PARD3B: variants seen among roughly 807,000 people sequenced by gnomAD.
PARD3B encodes partitioning defective 3 homolog B.
A neutral mutation model predicts 130.2 loss-of-function variants in PARD3B; 103 were observed. The observed-to-expected ratio is 0.79, with a 90% CI of 0.67 to 0.93. The LOEUF is 0.93. Ranked by LOEUF, PARD3B falls within the 40% of genes least tolerant of loss-of-function variation. PARD3B has a pLI of 0.00. For missense variants in PARD3B, 1,609 were observed against 1,499.2 expected, an observed-to-expected ratio of 1.07 and a Z score of -1.21; for synonymous variants, 583 against 553.2, an observed-to-expected ratio of 1.05 and a Z score of -0.76.
Position 205,268,559 on chromosome 2 carries a change from T to A in PARD3B, c.2185+22737T>A, listed in dbSNP as rs2040601839. On this transcript the variant is annotated intron_variant, in intron 16 of 22. Coordinates refer to ENST00000406610, the MANE Select transcript of PARD3B (RefSeq NM_001302769.2). This position sits in a 1 kb window ranked among gnomAD's most constrained non-coding sequence, Gnocchi z 4.1. ...TTTCAAGGACGTAGAAAAATCTGATTTGAAATCAGGTGGAAAGTGCTCTAA... is the reference window on the plus strand; with the variant it reads ...TTTCAAGGACGTAGAAAAATCTGATATGAAATCAGGTGGAAAGTGCTCTAA... Among the ~76,000 whole-genome samples the A allele has an allele frequency of 6.6e-6, 1 of 152,076 alleles. No individual in the cohort carries two copies.
intron 2 of PARD3B, among the ~76,000 whole-genome samples, chr2:204,891,208 T>C (rs2046433631): frequency 6.6e-6 from 1 of 151,512 alleles, no homozygotes; most frequent in South Asian, 2.1e-4. Context: ...TTTTTAACCT[T>C]GTGCTATTAA....
intron 18 of PARD3B, among the ~76,000 whole-genome samples, chr2:205,313,245 C>T (rs2042452035): frequency 1.3e-5 from 2 of 152,196 alleles, no homozygotes; most frequent in African/African-American, 2.4e-5. Flanking sequence ...ATGGGCTACT[C>T]ATCTGATGGG....
intron 3 of PARD3B, among the ~76,000 whole-genome samples, chr2:204,999,894 A>G (rs928644916): frequency 2.6e-5 from 4 of 152,350 alleles, no homozygotes; most frequent in South Asian, 2.1e-4. Context: ...GGTTTATCTC[A>G]GCAAAATAGT....
At chr2:204,883,396 A>G (rs1485237396) in intron 2 of PARD3B, among the ~76,000 whole-genome samples, 3 of 137,240 alleles carry the variant, frequency 2.2e-5, no homozygotes, top group African/African-American at 5.5e-5. Context: ...ATGTGTATGT[A>G]TATATATATT....
chr2:205,203,130 A>C (rs1559538408), intron 15 of PARD3B, among the ~76,000 whole-genome samples: 1 of 152,180 alleles, frequency 6.6e-6, no homozygotes, highest in African/African-American at 2.4e-5. Flanking sequence ...ATACAAAAAA[A>C]CTATAAAGTT....
chr2:204,867,875 A>G (rs1198123485), intron 2 of PARD3B, among the ~76,000 whole-genome samples: 1 of 152,200 alleles, frequency 6.6e-6, no homozygotes, highest in African/African-American at 2.4e-5. Context: ...TATGAGCCAA[A>G]TGGGAAGTGT....
At chr2:205,087,477 A>G (rs1393394082) in intron 4 of PARD3B, among the ~76,000 whole-genome samples, 3 of 152,108 alleles carry the variant, frequency 2.0e-5, no homozygotes, top group Admixed American at 1.3e-4. Flanking sequence ...CAAGCATGCC[A>G]TTTGATCTGT....
At position 204,583,560 on chromosome 2, in the gene PARD3B, G is replaced by T. The variant is rs1445468582; in HGVS notation, c.120+37441G>T. Among the ~76,000 whole-genome samples the T allele has an allele frequency of 5.5e-5, 7 of 127,014 alleles. 1 individual carries two copies. Among genetic ancestry groups the T allele is most frequent in the East Asian group, 4.7e-4 (2 of 4,236 alleles). The allele number at this position is 127,014 out of a possible 152,430, so 83.3% of individuals were successfully genotyped here. On this transcript the variant is annotated intron_variant, in intron 1 of 22. Coordinates refer to ENST00000406610, the MANE Select transcript of PARD3B (RefSeq NM_001302769.2). The stretch of plus-strand genomic sequence containing the variant: ...TTAGTGGGTGCAGCGCACCAGCATG[G>T]CACATGTATACATATGTAACTAACC...
chr2:204,898,793 T>G (rs1177358719), intron 2 of PARD3B, among the ~76,000 whole-genome samples: 1 of 152,196 alleles, frequency 6.6e-6, no homozygotes, highest in African/African-American at 2.4e-5. Flanking sequence ...TTTATATTTC[T>G]GGGTGCTTTG....
chr2:204,654,089 A>G (rs2035569854), intron 1 of PARD3B, among the ~76,000 whole-genome samples: 1 of 151,184 alleles, frequency 6.6e-6, no homozygotes, highest in African/African-American at 2.5e-5. Flanking sequence ...GGTCCTCTTT[A>G]TCTGTGTCTC....
chr2:204,803,703 A>G (rs1324140033), intron 2 of PARD3B, among the ~76,000 whole-genome samples: 2 of 152,140 alleles, frequency 1.3e-5, no homozygotes, highest in Non-Finnish European at 2.9e-5. Context: ...CAAAAAACCT[A>G]CAACAGATAC....
chr2:205,192,042 C>T (rs17195762), intron 14 of PARD3B, among the ~76,000 whole-genome samples: 2,887 of 152,192 alleles, frequency 0.019, 63 homozygotes, highest in African/African-American at 0.051. Context: ...CTTAATTTAC[C>T]CACGGCATTA....
At chr2:205,005,034 C>A (rs575495245) in intron 3 of PARD3B, among the ~76,000 whole-genome samples, 6 of 152,178 alleles carry the variant, frequency 3.9e-5, no homozygotes, top group African/African-American at 1.2e-4. Context: ...AAATTCTGTT[C>A]TTTTAAATCA....
chr2:204,904,372 C>G (rs569501431), intron 2 of PARD3B, among the ~76,000 whole-genome samples: 2 of 152,222 alleles, frequency 1.3e-5, no homozygotes, highest in East Asian at 1.9e-4. Context: ...TTTAAAAAAC[C>G]TAACCTGTTA....
intron 21 of PARD3B, among the ~76,000 whole-genome samples, chr2:205,533,949 T>G (rs948615859): frequency 6.6e-6 from 1 of 151,584 alleles, no homozygotes; most frequent in Non-Finnish European, 1.5e-5. Flanking sequence ...CCACCTCTAA[T>G]AGAGTCTAGT....
At chr2:205,077,549 T>A (rs1229461077) in intron 4 of PARD3B, among the ~76,000 whole-genome samples, 1 of 152,190 alleles carries the variant, frequency 6.6e-6, no homozygotes, top group Non-Finnish European at 1.5e-5. Context: ...ATTCTGTAGT[T>A]CTGAGAGTGA....
chr2:204,926,311 G>A lies in PARD3B; in HGVS notation c.223-38841G>A, dbSNP rs182608113. Among the ~76,000 whole-genome samples, 268 of 152,172 alleles carry A rather than the reference G, an allele frequency of 1.8e-3. 3 individuals carry two copies. Among genetic ancestry groups the A allele is most frequent in the Middle Eastern group, 0.017 (5 of 294 alleles). On this transcript the variant is annotated intron_variant, in intron 2 of 22. Transcript: ENST00000406610. ...ATCTCTTGATCTTGAGTGGTGGATA[G>A]GAGCAGTTTATCTTAAAGTCCTTGA...
intron 20 of PARD3B, among the ~76,000 whole-genome samples, chr2:205,455,500 G>A (rs1316723151): frequency 6.6e-6 from 1 of 151,878 alleles, no homozygotes; most frequent in African/African-American, 2.4e-5. Context: ...CTTTGAAGTT[G>A]GGTAGGGAAT....
chr2:205,586,046 T>A (rs983249039), intron 22 of PARD3B, among the ~76,000 whole-genome samples: 1 of 152,230 alleles, frequency 6.6e-6, no homozygotes, highest in African/African-American at 2.4e-5. Flanking sequence ...TTTCTCCTAA[T>A]GAGGGATGGC....
Sources: allele counts gnomAD v4.1 joint callset (sites outside exome capture counted in the v4.1 genomes callset), GRCh38; gene constraint gnomAD v4.1.1; non-coding constraint Gnocchi (gnomAD v3.1); transcripts MANE v1.5; gene names NCBI Gene and HGNC (gene_info 2026-07-23, HGNC 2026-07-21).